KSR1: variants seen among roughly 807,000 people sequenced by gnomAD.
KSR1 encodes the protein kinase suppressor of ras.
Under a neutral mutation model 92.9 loss-of-function variants are expected in KSR1, and 35 were observed. The ratio of observed to expected loss-of-function variants is 0.38; its 90% CI spans 0.29 to 0.50. The LOEUF (loss-of-function observed/expected upper bound fraction) is 0.50. KSR1 is among the 20% of genes least tolerant of loss of function. KSR1 has a pLI of 0.94. For synonymous variants in KSR1, 467 were observed against 472.6 expected, an observed-to-expected ratio of 0.99 and a Z score of 0.15; for missense variants, 972 against 1,158.5, an observed-to-expected ratio of 0.84 and a Z score of 2.34.
chr17:27,569,159 G>A (rs143958911), intron 2 of KSR1, among the ~76,000 whole-genome samples: 41 of 152,106 alleles, frequency 2.7e-4, no homozygotes, highest in African/African-American at 9.6e-4. Context: ...TTACAATCAC[G>A]CATTTTGTAA....
At position 27,550,705 on chromosome 17, in the gene KSR1, G is replaced by A. The variant is rs542371935; in HGVS notation, c.369G>A (p.Val123=). The A allele has an allele frequency of 3.9e-6, 3 of 762,834 alleles. No homozygotes were observed. Among genetic ancestry groups the A allele is most frequent in the East Asian group, 2.4e-5 (1 of 41,222 alleles). 47.3% of individuals were successfully genotyped at this position (762,834 alleles called of 1,614,324 possible). Residue 123 remains valine (V), a synonymous_variant, in exon 2 of 21, where the codon GTG becomes GTA. Transcript: ENST00000644974. ...LYTFNVRPEV[V]QEIPRDLTLD... is the part of the protein sequence containing the mutation. The stretch of plus-strand genomic sequence containing the variant: ...CTTTCAACGTGAGGCCGGAGGTGGT[G>A]CAGGTATGCAAGCTGGTTCTCAGCA...
At chr17:27,612,339 C>T (rs1162269881) in intron 18 of KSR1, among the ~76,000 whole-genome samples, 3 of 152,202 alleles carry the variant, frequency 2.0e-5, no homozygotes, top group Non-Finnish European at 4.4e-5. Context: ...TCCCTGGCTA[C>T]AGAGATGAGT....
At chr17:27,588,048 T>C (rs987183869) in intron 5 of KSR1, 1 of 153,068 alleles carries the variant, frequency 6.5e-6, no homozygotes, top group Non-Finnish European at 1.5e-5. Flanking sequence ...CCACCTGAGG[T>C]AAACAGCTTC....
At chr17:27,621,906 C>A (rs776577262) in intron 20 of KSR1, 13 of 1,613,220 alleles carry the variant, frequency 8.1e-6, no homozygotes, top group Non-Finnish European at 1.1e-5. Context: ...CTGTTCTTTG[C>A]TTTCTTCTCT....
rs1013501665 is a variant in KSR1 at position 27,583,224 on chromosome 17, G to A, written c.980+119G>A. ...GACGTGTGTAAAGTCAAAAGTAAAAGGTGCCCCCATCTTTCAGTCCATTCC... is the reference window on the plus strand; with the variant it reads ...GACGTGTGTAAAGTCAAAAGTAAAAAGTGCCCCCATCTTTCAGTCCATTCC... On this transcript the variant is annotated intron_variant, in intron 4 of 20. Coordinates refer to ENST00000644974, the MANE Select transcript of KSR1 (RefSeq NM_001394583.1). 6 of 682,378 alleles carry A rather than the reference G, an allele frequency of 8.8e-6. No homozygotes were observed. The African/African-American group carries it at 1.1e-4, about 12-fold the overall frequency. 42.3% of individuals were successfully genotyped at this position (682,378 alleles called of 1,614,324 possible). A position where few individuals can be genotyped will look rare whatever the true frequency, so the allele number is the denominator to read the frequency against.
chr17:27,479,523 T>G (rs972022771), intron 1 of KSR1, among the ~76,000 whole-genome samples: 10 of 152,104 alleles, frequency 6.6e-5, no homozygotes, highest in African/African-American at 2.4e-4. Flanking sequence ...GTGCCGCTCC[T>G]AGTGCAGGTG....
At chr17:27,520,789 G>A (rs2069992202) in intron 1 of KSR1, among the ~76,000 whole-genome samples, 1 of 152,224 alleles carries the variant, frequency 6.6e-6, no homozygotes, top group Non-Finnish European at 1.5e-5. Context: ...CCTGCCAGTG[G>A]ATTGGAGGGG....
intron 16 of KSR1, 40 bp from the exon 17 acceptor site, chr17:27,610,027 T>C (rs367998466): frequency 6.2e-7 from 1 of 1,610,564 alleles, no homozygotes; most frequent in African/African-American, 1.3e-5. Flanking sequence ...TGCTGCCTGC[T>C]GAAAGGCCTG....
intron 1 of KSR1, chr17:27,465,548 A>T (rs2019655207): frequency 6.6e-6 from 1 of 152,194 alleles, no homozygotes; most frequent in Admixed American, 6.5e-5. Flanking sequence ...AAAAGAAGAG[A>T]TAAAGACCCG....
chr17:27,567,734 G>T (rs2072140128), intron 2 of KSR1, among the ~76,000 whole-genome samples: 1 of 152,252 alleles, frequency 6.6e-6, no homozygotes, highest in South Asian at 2.1e-4. Flanking sequence ...ACTTGGGCAG[G>T]GAATGCGTGC....
At chr17:27,620,645 G>T (rs774878216) in intron 19 of KSR1, among the ~76,000 whole-genome samples, 2 of 152,170 alleles carry the variant, frequency 1.3e-5, no homozygotes, top group Non-Finnish European at 2.9e-5. Flanking sequence ...AACTATCCCA[G>T]CAGAGACCAG....
intron 10 of KSR1, chr17:27,601,150 A>C: frequency 1.7e-6 from 1 of 575,910 alleles, no homozygotes; most frequent in South Asian, 2.2e-5. Context: ...AAGCCCCTTT[A>C]GTCCTGCAGA....
intron 11 of KSR1, chr17:27,601,960 T>C (rs768669646): frequency 6.3e-7 from 1 of 1,597,952 alleles, no homozygotes; most frequent in Non-Finnish European, 8.5e-7. Flanking sequence ...ACGCTTTCAG[T>C]AAGTCAATAC....
At chr17:27,487,019 T>C (rs577002045) in intron 1 of KSR1, among the ~76,000 whole-genome samples, 28 of 152,264 alleles carry the variant, frequency 1.8e-4, no homozygotes, top group African/African-American at 6.7e-4. Flanking sequence ...GATAGGAATG[T>C]GGTAAAAGAC....
chr17:27,555,059 C>T (rs1567822680), intron 2 of KSR1, among the ~76,000 whole-genome samples: 4 of 152,338 alleles, frequency 2.6e-5, no homozygotes, highest in Middle Eastern at 3.4e-3. Flanking sequence ...TTACTGTCCT[C>T]TCTCTTTTCT....
intron 2 of KSR1, among the ~76,000 whole-genome samples, chr17:27,567,140 G>A (rs1236122339): frequency 6.6e-6 from 1 of 152,154 alleles, no homozygotes; most frequent in Non-Finnish European, 1.5e-5. Context: ...ACCAATAGTT[G>A]TTATTTTTAT....
Position 27,526,044 on chromosome 17 carries a change from T to TTTCTTTTCTTTTCTTTC in KSR1, c.232-24523_232-24522insTCTTTTCTTTTCTTTCT, listed in dbSNP as rs1555576232. Among the ~76,000 whole-genome samples the TTTCTTTTCTTTTCTTTC allele has an allele frequency of 4.7e-4, 58 of 122,916 alleles. 1 individual carries two copies. The South Asian group carries it at 6.8e-3, about 14-fold the overall frequency. 80.6% of individuals were successfully genotyped at this position (122,916 alleles called of 152,430 possible). A position where few individuals can be genotyped will look rare whatever the true frequency, so the allele number is the denominator to read the frequency against. On this transcript the variant is annotated intron_variant, in intron 1 of 20. Transcript: ENST00000644974. Reference sequence around the variant, plus strand: ...TTTCTTTTCTTTTCTTTTCTTTTCTTTCTCTCTCTCTCTCTCTCTTTCTTT... The same window carrying TTTCTTTTCTTTTCTTTC: ...TTTCTTTTCTTTTCTTTTCTTTTCTTTTCTTTTCTTTTCTTTCTCTCTCTCTCTCTCTCTCTTTCTTT...
intron 2 of KSR1, among the ~76,000 whole-genome samples, chr17:27,552,212 G>C (rs1199461149): frequency 6.6e-6 from 1 of 152,072 alleles, no homozygotes; most frequent in Non-Finnish European, 1.5e-5. Flanking sequence ...CCACTTTCTG[G>C]AGTGACCTAA....
intron 1 of KSR1, among the ~76,000 whole-genome samples, chr17:27,466,547 C>T (rs996369651): frequency 6.6e-6 from 1 of 152,198 alleles, no homozygotes; most frequent in Admixed American, 6.5e-5. Flanking sequence ...CAGTGTCTAC[C>T]AGGAACCTCA....
Sources: gnomAD v4.1 joint callset for allele counts (sites outside exome capture counted in the v4.1 genomes callset) on GRCh38, gnomAD v4.1.1 for gene constraint, MANE v1.5 for transcripts, NCBI Gene and HGNC (gene_info 2026-07-23, HGNC 2026-07-21) for gene names.